MAF: variants seen among roughly 807,000 people sequenced by gnomAD.
MAF encodes transcription factor Maf.
MAF carries 10 observed loss-of-function variants against 22.0 expected under a neutral mutation model. That is an observed-to-expected ratio of 0.45 (90% CI 0.28 to 0.77). The LOEUF is 0.77. Ranked by LOEUF, MAF falls within the 30% of genes least tolerant of loss-of-function variation. The probability of loss-of-function intolerance (pLI) is 0.12; values close to 1 mark genes in which losing one functional copy is unlikely to be tolerated. For synonymous variants in MAF, 337 were observed against 255.8 expected (o/e 1.32, Z -3.03); for missense variants, 544 against 548.4 (o/e 0.99, Z 0.08).
chr16:79,577,036 G>A, the MAF span, among the ~76,000 whole-genome samples: 1 of 152,000 alleles, frequency 6.6e-6, no homozygotes, highest in Admixed American at 6.6e-5. Flanking sequence ...GGGTATTAAC[G>A]AAATGTGCCA....
the MAF span, among the ~76,000 whole-genome samples, chr16:79,487,165 A>G: frequency 6.6e-6 from 1 of 151,304 alleles, no homozygotes; most frequent in Admixed American, 6.6e-5. Context: ...GAACCTCCAG[A>G]TTTTAATGCT....
At chr16:79,248,989 T>C in the MAF span, among the ~76,000 whole-genome samples, 1 of 152,172 alleles carries the variant, frequency 6.6e-6, no homozygotes, top group South Asian at 2.1e-4. Flanking sequence ...TAACCCCTGC[T>C]GTGATTTAAG....
chr16:79,519,258 C>T, the MAF span, among the ~76,000 whole-genome samples: 730 of 152,200 alleles, frequency 4.8e-3, 4 homozygotes, highest in African/African-American at 0.017. Context: ...GCCATGTGAC[C>T]ACCTCAGAGA....
chr16:79,564,779 G>C, the MAF span, among the ~76,000 whole-genome samples: 1 of 152,188 alleles, frequency 6.6e-6, no homozygotes, highest in Admixed American at 6.5e-5. Context: ...GTCCAAACCT[G>C]TAATGGTTAA....
the MAF span, among the ~76,000 whole-genome samples, chr16:79,561,326 T>TA: frequency 5.9e-5 from 9 of 152,046 alleles, no homozygotes; most frequent in East Asian, 1.9e-4. Context: ...TTTTTTTTTT[T>TA]TATATATACT....
chr16:79,463,615 T>G, the MAF span, among the ~76,000 whole-genome samples: 1 of 152,194 alleles, frequency 6.6e-6, no homozygotes, highest in African/African-American at 2.4e-5. Context: ...ATCCAGTCTC[T>G]AGGTCAAGTC....
At chr16:79,338,394 G>C in the MAF span, among the ~76,000 whole-genome samples, 1 of 152,138 alleles carries the variant, frequency 6.6e-6, no homozygotes, top group East Asian at 1.9e-4. Flanking sequence ...GACAGTATCA[G>C]ATTTGCTTTT....
the MAF span, among the ~76,000 whole-genome samples, chr16:79,263,143 G>A: frequency 6.6e-6 from 1 of 152,174 alleles, no homozygotes; most frequent in Non-Finnish European, 1.5e-5. Flanking sequence ...CAGTGAACTA[G>A]GCAGACACGG....
the MAF span, among the ~76,000 whole-genome samples, chr16:79,541,941 C>T: frequency 2.6e-4 from 40 of 152,218 alleles, no homozygotes; most frequent in African/African-American, 9.4e-4. Context: ...CAGACATGAG[C>T]CAACAAGCCC....
chr16:79,278,241 T>C, the MAF span, among the ~76,000 whole-genome samples: 1 of 152,244 alleles, frequency 6.6e-6, no homozygotes, highest in Non-Finnish European at 1.5e-5. Context: ...GCAGGTTAGA[T>C]GGCAACCGTT....
the MAF span, among the ~76,000 whole-genome samples, chr16:79,397,780 G>A: frequency 2.0e-5 from 3 of 152,084 alleles, no homozygotes; most frequent in African/African-American, 7.2e-5. Flanking sequence ...CCCCCTCCCC[G>A]GTGAAGAAAG....
chr16:79,357,527 A>G, the MAF span, among the ~76,000 whole-genome samples: 201 of 152,294 alleles, frequency 1.3e-3, 1 homozygote, highest in African/African-American at 4.6e-3. Flanking sequence ...CCTGACAGAT[A>G]TGGGAACCCT....
the MAF span, among the ~76,000 whole-genome samples, chr16:79,335,950 C>T: frequency 6.6e-6 from 1 of 152,156 alleles, no homozygotes; most frequent in Admixed American, 6.5e-5. Flanking sequence ...ATAGACAATT[C>T]CCAGAGTCCA....
At chr16:79,287,535 C>T in the MAF span, among the ~76,000 whole-genome samples, 3 of 152,208 alleles carry the variant, frequency 2.0e-5, no homozygotes, top group East Asian at 3.9e-4. Context: ...CTGAGTCCTG[C>T]CATGACCCAC....
the MAF span, among the ~76,000 whole-genome samples, chr16:79,408,078 C>CAAAGA: frequency 5.9e-4 from 48 of 81,578 alleles, no homozygotes; most frequent in Non-Finnish European, 8.0e-4. Context: ...TTTTACCTTT[C>CAAAGA]AAAAAAAAAA....
the MAF span, among the ~76,000 whole-genome samples, chr16:79,399,022 C>T: frequency 6.6e-6 from 1 of 152,158 alleles, no homozygotes; most frequent in Non-Finnish European, 1.5e-5. Context: ...CTCTCAAGTG[C>T]CCAGTTCTTA....
the MAF span, among the ~76,000 whole-genome samples, chr16:79,452,815 A>G: frequency 2.0e-5 from 3 of 152,130 alleles, no homozygotes; most frequent in African/African-American, 7.2e-5. Flanking sequence ...TGAAAGGGAG[A>G]TTACCTCTTG....
the MAF span, among the ~76,000 whole-genome samples, chr16:79,207,390 G>C: frequency 6.6e-6 from 1 of 152,220 alleles, no homozygotes; most frequent in Admixed American, 6.5e-5. Context: ...TGGGACGTTA[G>C]TCATGGGAAC....
At chr16:79,406,329 T>C in the MAF span, among the ~76,000 whole-genome samples, 1 of 152,212 alleles carries the variant, frequency 6.6e-6, no homozygotes, top group African/African-American at 2.4e-5. Flanking sequence ...TTTCTTAGTC[T>C]CTTTGGGCTG....
Sources: gnomAD v4.1 joint callset for allele counts (sites outside exome capture counted in the v4.1 genomes callset) on GRCh38, gnomAD v4.1.1 for gene constraint, MANE v1.5 for transcripts, NCBI Gene and HGNC (gene_info 2026-07-23, HGNC 2026-07-21) for gene names.